The following JAM3 variants were observed in gnomAD, a reference collection of about 807,000 sequenced individuals.
JAM3 encodes junctional adhesion molecule 3.
A neutral mutation model predicts 39.4 loss-of-function variants in JAM3; 31 were observed. That is an observed-to-expected ratio of 0.79 (90% CI 0.59 to 1.06). The LOEUF (loss-of-function observed/expected upper bound fraction) is 1.06. Among genes scored for constraint, JAM3 ranks in the 50% least tolerant of loss-of-function variants. The pLI is 0.00. For synonymous variants in JAM3, 182 were observed against 148.7 expected (o/e 1.22, Z -1.63); for missense variants, 455 against 391.4 (o/e 1.16, Z -1.37).
chr11:134,146,571 CA>C (rs1011464487), intron 6 of JAM3, among the ~76,000 whole-genome samples: 1 of 150,046 alleles, frequency 6.7e-6, no homozygotes, highest in Non-Finnish European at 1.5e-5. Flanking sequence ...TCTTAAAAAA[CA>C]AAAAACAAAA....
chr11:134,144,717 C>T, intron 4 of JAM3, 75 bp from the exon 5 acceptor site: 1 of 1,332,822 alleles, frequency 7.5e-7, no homozygotes, highest in Non-Finnish European at 1.1e-6. Flanking sequence ...GTCTTTGGAG[C>T]TGATTTCTTC....
chr11:134,139,806 G>A lies in JAM3; in HGVS notation c.77-45G>A, dbSNP rs114249403. ...GACCTCAGTGCAAGGTTTCTCTGCC[G>A]TTTGAGATACATTGTCTCTGATTTT... On this transcript the variant is annotated intron_variant, in intron 1 of 8. Transcript: ENST00000299106. The A allele has an allele frequency of 1.5e-3, 2,310 of 1,504,462 alleles. 24 individuals are homozygous for A. In the African/African-American group the frequency reaches 0.025, roughly 16 times the overall value. The allele number at this position is 1,504,462 out of a possible 1,614,324, so 93.2% of individuals were successfully genotyped here. A position where few individuals can be genotyped will look rare whatever the true frequency, so the allele number is the denominator to read the frequency against.
At chr11:134,101,131 C>G (rs75708856) in intron 1 of JAM3, among the ~76,000 whole-genome samples, 1 of 152,260 alleles carries the variant, frequency 6.6e-6, no homozygotes, top group African/African-American at 2.4e-5. Flanking sequence ...CTTCTCTGTT[C>G]TTACCCATCT....
At chr11:134,104,168 C>A (rs1021881905) in intron 1 of JAM3, among the ~76,000 whole-genome samples, 3 of 152,206 alleles carry the variant, frequency 2.0e-5, no homozygotes, top group Non-Finnish European at 2.9e-5. Context: ...TCTCAGACCA[C>A]AGTGCAATCA....
chr11:134,101,441 A>T (rs1180115275), intron 1 of JAM3, among the ~76,000 whole-genome samples: 1 of 152,160 alleles, frequency 6.6e-6, no homozygotes, highest in Non-Finnish European at 1.5e-5. Flanking sequence ...ACTGAGGTGG[A>T]GTGTTCTTTC....
chr11:134,110,961 C>T (rs1942297749), intron 1 of JAM3, among the ~76,000 whole-genome samples: 1 of 151,672 alleles, frequency 6.6e-6, no homozygotes, highest in Non-Finnish European at 1.5e-5. Context: ...GTACCAAATC[C>T]CTGACTCCCA....
chr11:134,112,371 A>C (rs929646854), intron 1 of JAM3, among the ~76,000 whole-genome samples: 3 of 152,212 alleles, frequency 2.0e-5, no homozygotes, highest in Non-Finnish European at 4.4e-5. Flanking sequence ...TACAGGCGTG[A>C]GACACCGCAC....
intron 1 of JAM3, among the ~76,000 whole-genome samples, chr11:134,109,061 A>G (rs192149467): frequency 9.9e-5 from 15 of 152,284 alleles, no homozygotes; most frequent in African/African-American, 3.4e-4. Context: ...GGTTCAAGCA[A>G]TTCTCGTGCC....
intron 1 of JAM3, among the ~76,000 whole-genome samples, chr11:134,094,712 C>T (rs987355002): frequency 6.6e-6 from 1 of 152,226 alleles, no homozygotes; most frequent in Non-Finnish European, 1.5e-5. Context: ...CCATTATACA[C>T]TTTCGTGGCC....
intron 1 of JAM3, among the ~76,000 whole-genome samples, chr11:134,112,180 G>T (rs570996000): frequency 1.3e-5 from 2 of 152,034 alleles, no homozygotes. Context: ...TCTGCCTCCC[G>T]GGTTCAAGGA....
chr11:134,072,285 G>C (rs1460910188), intron 1 of JAM3, among the ~76,000 whole-genome samples: 1 of 151,542 alleles, frequency 6.6e-6, no homozygotes, highest in Non-Finnish European at 1.5e-5. Context: ...TATGGAGTCT[G>C]CTGAAGAATA....
chr11:134,143,757 CATG>C (rs558702793), intron 3 of JAM3, among the ~76,000 whole-genome samples: 43 of 152,186 alleles, frequency 2.8e-4, no homozygotes, highest in Non-Finnish European at 5.4e-4. Context: ...AATCCAAGGT[CATG>C]AGGGATTTAT....
At chr11:134,073,284 A>G (rs1270386187) in intron 1 of JAM3, among the ~76,000 whole-genome samples, 4 of 152,182 alleles carry the variant, frequency 2.6e-5, no homozygotes, top group African/African-American at 9.7e-5. Flanking sequence ...TATGTGTTAT[A>G]TATTACATTT....
intron 2 of JAM3, 56 bp downstream of exon 2, chr11:134,139,972 T>G: frequency 7.5e-7 from 1 of 1,338,904 alleles, no homozygotes; most frequent in Non-Finnish European, 1.1e-6. Flanking sequence ...ACATTTGATG[T>G]CTTGCAGCCA....
At chr11:134,145,018 G>A in intron 5 of JAM3, 24 bp downstream of exon 5, 2 of 1,556,580 alleles carry the variant, frequency 1.3e-6, no homozygotes, top group Non-Finnish European at 1.8e-6. Flanking sequence ...TAAGAGGTGA[G>A]GATGGAGATG....
chr11:134,076,148 TTTC>T (rs1941565277), intron 1 of JAM3, among the ~76,000 whole-genome samples: 3 of 120,532 alleles, frequency 2.5e-5, no homozygotes, highest in Admixed American at 1.6e-4. Flanking sequence ...TTTTCTTTTC[TTTC>T]TTTTTTTTTT....
intron 1 of JAM3, among the ~76,000 whole-genome samples, chr11:134,137,739 C>A (rs956004258): frequency 7.6e-6 from 1 of 131,038 alleles, no homozygotes; most frequent in African/African-American, 3.0e-5. Context: ...GGTGGCGTCT[C>A]GTCAAAGTCG....
intron 1 of JAM3, among the ~76,000 whole-genome samples, chr11:134,127,997 C>G (rs1005137876): frequency 3.9e-5 from 6 of 152,064 alleles, no homozygotes; most frequent in Admixed American, 3.9e-4. Context: ...CATATTGACC[C>G]CCACTATGAA....
chr11:134,069,987 T>G (rs368813626), intron 1 of JAM3, among the ~76,000 whole-genome samples: 1 of 152,218 alleles, frequency 6.6e-6, no homozygotes, highest in East Asian at 1.9e-4. Flanking sequence ...CTTGATAGTT[T>G]TGTGCATTTT....
Sources: allele counts gnomAD v4.1 joint callset (sites outside exome capture counted in the v4.1 genomes callset), GRCh38; gene constraint gnomAD v4.1.1; transcripts MANE v1.5; gene names NCBI Gene and HGNC (gene_info 2026-07-23, HGNC 2026-07-21).